The following TRABD variants were observed in gnomAD, a reference collection of about 807,000 sequenced individuals.
TRABD encodes traB domain-containing protein.
A neutral mutation model predicts 39.6 loss-of-function variants in TRABD; 23 were observed. That is an observed-to-expected ratio of 0.58 (90% confidence interval 0.42 to 0.82). The LOEUF is 0.82. Among genes scored for constraint, TRABD ranks in the 40% least tolerant of loss-of-function variants. The pLI, the probability that TRABD is intolerant of heterozygous loss-of-function variation, is 0.00. For synonymous variants in TRABD, 243 were observed against 232.1 expected, an observed-to-expected ratio of 1.05 and a Z score of -0.43; for missense variants, 487 against 544.9, an observed-to-expected ratio of 0.89 and a Z score of 1.06.
chr22:50,198,987 C>A lies in TRABD; in HGVS notation c.*468C>A. 2 of 634,682 alleles carry A rather than the reference C, an allele frequency of 3.2e-6. No homozygotes were observed. The highest frequency in any genetic ancestry group is 2.4e-5 in the Admixed American group (1 of 40,984). 39.3% of individuals were successfully genotyped at this position (634,682 alleles called of 1,614,324 possible). On this transcript the variant is annotated 3_prime_UTR_variant, in exon 10 of 10. Transcript: ENST00000380909. This position sits in a 1 kb window ranked among gnomAD's most constrained non-coding sequence, Gnocchi z 7.9. ...AAAGGCCCAGCCCTGGAGCTCCAGCCGACCCCACCGTGCCCCTGGCATCCT... is the reference window on the plus strand; with the variant it reads ...AAAGGCCCAGCCCTGGAGCTCCAGCAGACCCCACCGTGCCCCTGGCATCCT...
chr22:50,194,618 C>G, intron 4 of TRABD, 112 bp downstream of exon 4: 3 of 1,476,004 alleles, frequency 2.0e-6, no homozygotes, highest in Non-Finnish European at 2.7e-6. Flanking sequence ...CACCGCAGGC[C>G]TCCTGCTTCA....
At chr22:50,189,855 G>T (rs759601912) in intron 1 of TRABD, among the ~76,000 whole-genome samples, 1 of 152,172 alleles carries the variant, frequency 6.6e-6, no homozygotes, top group Admixed American at 6.5e-5. Context: ...AGGTTGTGGG[G>T]CTGGGAACCA....
chr22:50,197,935 T>C lies in TRABD; in HGVS notation c.784T>C (p.Tyr262His). The change falls in exon 8 of 10, where the codon TAC becomes CAC. Residue 262 changes from tyrosine to histidine, a missense_variant. Around this residue, in one of 3 missense-constraint regions of TRABD, gnomAD observed 358 missense variants for 414.7 expected, o/e 0.86. Transcript: ENST00000380909. ...CACCATCGTCTCGGAGCGCGACGTC[T>C]ACCTAACCTACATGCTGCGCCAGGC... ...HRTIVSERDV[Y>H]LTYMLRQAAR... 6.2e-7 allele frequency: 1 copy of C among 1,612,982 alleles called. No homozygotes were observed. Among genetic ancestry groups the C allele is most frequent in the South Asian group, 1.1e-5 (1 of 91,084 alleles).
chr22:50,190,135 C>A (rs1022377779), intron 1 of TRABD, among the ~76,000 whole-genome samples: 14 of 152,164 alleles, frequency 9.2e-5, no homozygotes, highest in African/African-American at 3.1e-4. Context: ...GAGACGTCCC[C>A]CAGAATCACG....
chr22:50,196,995 G>C (rs2064135398), intron 5 of TRABD: 1 of 517,638 alleles, frequency 1.9e-6, no homozygotes, highest in African/African-American at 1.9e-5. Context: ...ACTGCACCCG[G>C]CCCGTGAAGG....
At chr22:50,186,883 T>C (rs1304306998) in intron 1 of TRABD, among the ~76,000 whole-genome samples, 2 of 152,146 alleles carry the variant, frequency 1.3e-5, no homozygotes, top group Non-Finnish European at 2.9e-5. Context: ...AAAGATGGAG[T>C]GGGAGCTGTC....
intron 5 of TRABD, 38 bp downstream of exon 5, chr22:50,195,078 G>C (rs1169152770): frequency 1.3e-6 from 2 of 1,522,580 alleles, no homozygotes; most frequent in African/African-American, 2.7e-5. Flanking sequence ...TCAGGGTCGG[G>C]GTCAAAGCCA....
chr22:50,194,461 G>A lies in TRABD; in HGVS notation c.234G>A (p.Val78=), dbSNP rs1177114886. 5.0e-6 allele frequency: 8 copies of A among 1,608,732 alleles called. No homozygotes were observed. The highest frequency in any genetic ancestry group is 1.1e-5 in the South Asian group (1 of 90,380). ...AGGACGGGAGCAGGGTGTACGTGGT[G>A]GGGACAGCCCACTTCAGCGACGACA... The part of the protein sequence containing the change: ...VAEDGSRVYV[V]GTAHFSDDSK... The change falls in exon 4 of 10, where the codon GTG becomes GTA. Residue 78 remains valine, a synonymous_variant. Coordinates refer to ENST00000380909, the MANE Select transcript of TRABD (RefSeq NM_001320485.2).
chr22:50,197,625 G>A (rs767479951), intron 7 of TRABD, 37 bp downstream of exon 7: 87 of 1,607,702 alleles, frequency 5.4e-5, no homozygotes, highest in Non-Finnish European at 6.8e-5. Flanking sequence ...GGCCTGCAGG[G>A]TGGTCTGTGG....
Position 50,198,549 on chromosome 22 carries a change from G to A in TRABD, c.*30G>A. 1 of 1,485,216 alleles carries A rather than the reference G, an allele frequency of 6.7e-7. No homozygotes were observed. The highest frequency in any genetic ancestry group is 8.9e-7 in the Non-Finnish European group (1 of 1,122,480). 92.0% of individuals were successfully genotyped at this position (1,485,216 alleles called of 1,614,324 possible). ...CTGCTCCCCGCCCGCTCGGGCCCCT[G>A]AGGAGCCAGTGCCCCCGCGGCACTT... On this transcript the variant is annotated 3_prime_UTR_variant, in exon 10 of 10. Coordinates refer to ENST00000380909, the MANE Select transcript of TRABD (RefSeq NM_001320485.2). The surrounding 1 kb of genome is among the most constrained non-coding windows in gnomAD (Gnocchi z 7.9).
At chr22:50,197,709 C>T (rs915549148) in intron 7 of TRABD, 114 bp from the exon 8 acceptor site, 16 of 1,566,808 alleles carry the variant, frequency 1.0e-5, no homozygotes, top group South Asian at 8.2e-5. Flanking sequence ...CCTTTCCTTC[C>T]GCCACAAATC....
At chr22:50,192,795 G>A (rs371921886) in intron 1 of TRABD, among the ~76,000 whole-genome samples, 2 of 9,990 alleles carry the variant, frequency 2.0e-4, no homozygotes, top group African/African-American at 1.7e-3. Context: ...GTCTGCGTTT[G>A]GTTTATGCTG....
At position 50,194,338 on chromosome 22, in the gene TRABD, AGCCGACGTGGACGCCT is replaced by A; in HGVS notation, c.113-1_127del. 1.2e-6 allele frequency: 2 copies of A among 1,610,704 alleles called. No homozygotes were observed. Among genetic ancestry groups the A allele is most frequent in the Non-Finnish European group, 1.7e-6 (2 of 1,178,404 alleles). On this transcript the variant is annotated splice_acceptor_variant and coding_sequence_variant, in exon 4 of 10. Transcript: ENST00000380909. LOFTEE classifies it high-confidence loss of function. Reference sequence around the variant, plus strand: ...CCACAACGGCCTGTGCTGCTGTTGCAGCCGACGTGGACGCCTTCAACCTGCTCCTGGAGATGAAGCT... The same window carrying A: ...CCACAACGGCCTGTGCTGCTGTTGCATCAACCTGCTCCTGGAGATGAAGCT...
Position 50,199,210 on chromosome 22 carries a change from C to A in TRABD, c.*691C>A. ...GGTCTGTCCCGAGTGGGCTCGCGTG[C>A]AGCCAAACATCAGCTCTGGGTCCAG... On this transcript the variant is annotated 3_prime_UTR_variant, in exon 10 of 10. Transcript: ENST00000380909. 1 of 699,394 alleles carries A rather than the reference C, an allele frequency of 1.4e-6. No individual in the cohort carries two copies. The highest frequency in any genetic ancestry group is 2.7e-6 in the Non-Finnish European group (1 of 375,076). 43.3% of individuals were successfully genotyped at this position (699,394 alleles called of 1,614,324 possible). A position where few individuals can be genotyped will look rare whatever the true frequency, so the allele number is the denominator to read the frequency against.
chr22:50,196,891 C>T (rs897710013), intron 5 of TRABD: 3 of 204,600 alleles, frequency 1.5e-5, no homozygotes, highest in East Asian at 1.2e-4. Flanking sequence ...GATGGGGTTT[C>T]GCCATGTTGG....
intron 2 of TRABD, 32 bp downstream of exon 2, chr22:50,193,125 A>G: frequency 2.0e-6 from 3 of 1,530,788 alleles, no homozygotes; most frequent in Non-Finnish European, 2.6e-6. Flanking sequence ...CTGCACAGAG[A>G]CAGGGGCGGG....
intron 1 of TRABD, among the ~76,000 whole-genome samples, chr22:50,190,282 G>A (rs1294066191): frequency 6.6e-6 from 1 of 152,234 alleles, no homozygotes; most frequent in Non-Finnish European, 1.5e-5. Context: ...TCCTGCTCAA[G>A]GCTTGGCAGC....
At chr22:50,190,797 G>A (rs887873731) in intron 1 of TRABD, 1 of 152,604 alleles carries the variant, frequency 6.6e-6, no homozygotes, top group African/African-American at 2.4e-5. Context: ...ACAGCTTCCG[G>A]TGGGTTCCGG....
rs1258685785 is a variant in TRABD, at chr22:50,198,647, C to T, written c.*128C>T. 9 of 966,226 alleles carry T rather than the reference C, an allele frequency of 9.3e-6. No individual in the cohort carries two copies. The African/African-American group carries it at 1.5e-4, about 16-fold the overall frequency. The allele number at this position is 966,226 out of a possible 1,614,324, so 59.9% of individuals were successfully genotyped here. A position where few individuals can be genotyped will look rare whatever the true frequency, so the allele number is the denominator to read the frequency against. On this transcript the variant is annotated 3_prime_UTR_variant, in exon 10 of 10. Transcript: ENST00000380909. This position sits in a 1 kb window ranked among gnomAD's most constrained non-coding sequence, Gnocchi z 7.9. The stretch of plus-strand genomic sequence containing the variant: ...CATGGGGGTCTGGGCCCGGCCTCGC[C>T]TGCCCTCCTGGGCCAGTCACCCCTC...
Sources: gnomAD v4.1 joint callset for allele counts (sites outside exome capture counted in the v4.1 genomes callset) on GRCh38, gnomAD v4.1.1 for gene constraint, gnomAD v4.1.1 regional missense constraint, Gnocchi (gnomAD v3.1) non-coding constraint, MANE v1.5 for transcripts, NCBI Gene and HGNC (gene_info 2026-07-23, HGNC 2026-07-21) for gene names.